Variants in FBXO11 observed in about 807,000 individuals in gnomAD.
FBXO11 encodes the protein F-box protein 11.
FBXO11 carries 13 observed loss-of-function variants against 117.0 expected under a neutral mutation model. The ratio of observed to expected loss-of-function variants is 0.11; its 90% CI spans 0.07 to 0.18. The LOEUF is 0.18. FBXO11 is among the 10% of genes least tolerant of loss of function. FBXO11 has a pLI of 1.00. For synonymous variants in FBXO11, 490 were observed against 380.5 expected (o/e 1.29, Z -3.35); for missense variants, 767 against 1,164.4 (o/e 0.66, Z 4.97).
chr2:47,814,106 G>T, intron 16 of FBXO11: 1 of 395,932 alleles, frequency 2.5e-6, no homozygotes, highest in Non-Finnish European at 4.6e-6. Context: ...AACTAAATGG[G>T]GTTATATTAA....
At chr2:47,878,357 C>T (rs1020081746) in intron 1 of FBXO11, among the ~76,000 whole-genome samples, 51 of 148,854 alleles carry the variant, frequency 3.4e-4, no homozygotes, top group African/African-American at 1.1e-3. Context: ...GCCTTTTGTT[C>T]TTTTTTTTTT....
rs939968083 is a variant in FBXO11 at position 47,860,913 on chromosome 2, C to G, written c.233-21144G>C. 5.6e-5 allele frequency among the ~76,000 whole-genome samples: 8 copies of G among 143,764 alleles called. No homozygotes were observed. The East Asian group carries it at 1.5e-3, about 26-fold the overall frequency. 94.3% of individuals were successfully genotyped at this position (143,764 alleles called of 152,430 possible). A position where few individuals can be genotyped will look rare whatever the true frequency, so the allele number is the denominator to read the frequency against. ...CCAGGCTGGAGTGCAATGGCGCAAT[C>G]TCGGCTCACTGCAACCTCCACCTCC... On this transcript the variant is annotated intron_variant, in intron 1 of 22. Coordinates refer to ENST00000403359, the MANE Select transcript of FBXO11 (RefSeq NM_001190274.2).
intron 1 of FBXO11, among the ~76,000 whole-genome samples, chr2:47,899,603 C>A (rs1426890672): frequency 6.6e-6 from 1 of 152,162 alleles, no homozygotes; most frequent in Non-Finnish European, 1.5e-5. Flanking sequence ...GAACCCATAT[C>A]TAGCTAGCTT....
intron 1 of FBXO11, among the ~76,000 whole-genome samples, chr2:47,882,524 G>A (rs766966413): frequency 3.3e-5 from 5 of 152,118 alleles, no homozygotes; most frequent in Non-Finnish European, 5.9e-5. Context: ...AAGTTTGTTG[G>A]ATCTACTGTA....
At chr2:47,816,829 G>A (rs1671037328) in intron 16 of FBXO11, among the ~76,000 whole-genome samples, 1 of 152,110 alleles carries the variant, frequency 6.6e-6, no homozygotes, top group African/African-American at 2.4e-5. Flanking sequence ...GTAAATTCAT[G>A]TGCTATCATC....
intron 16 of FBXO11, among the ~76,000 whole-genome samples, chr2:47,818,043 A>C (rs547418282): frequency 6.6e-6 from 1 of 152,358 alleles, no homozygotes; most frequent in South Asian, 2.1e-4. Context: ...GCTACTTGGG[A>C]GGCTGAGGTT....
At chr2:47,860,579 T>C (rs1427054168) in intron 1 of FBXO11, among the ~76,000 whole-genome samples, 1 of 151,644 alleles carries the variant, frequency 6.6e-6, no homozygotes, top group Non-Finnish European at 1.5e-5. Context: ...CCCAGCTAAT[T>C]GTATTTTAGT....
At chr2:47,865,648 C>G (rs1236550402) in intron 1 of FBXO11, 1 of 152,118 alleles carries the variant, frequency 6.6e-6, no homozygotes, top group Non-Finnish European at 1.5e-5. Context: ...TCTGGCAGAT[C>G]TAATTTTAAT....
chr2:47,819,361 G>A (rs975994884), intron 14 of FBXO11, among the ~76,000 whole-genome samples: 11 of 152,096 alleles, frequency 7.2e-5, no homozygotes, highest in Non-Finnish European at 1.5e-4. Flanking sequence ...GATTACAGGC[G>A]TCTGCCACCA....
chr2:47,901,484 T>G (rs1315275002), intron 1 of FBXO11, among the ~76,000 whole-genome samples: 1 of 152,120 alleles, frequency 6.6e-6, no homozygotes, highest in Non-Finnish European at 1.5e-5. Flanking sequence ...GAGAAACTAA[T>G]AACAGTTATT....
rs933525336 is a variant in FBXO11, at chr2:47,902,570, TAC to T, written c.232+2917_232+2918del. Among the ~76,000 whole-genome samples, 11 of 152,068 alleles carry T rather than the reference TAC, an allele frequency of 7.2e-5. 1 individual carries two copies. The highest frequency in any genetic ancestry group is 1.3e-4 in the Non-Finnish European group (9 of 67,958). On this transcript the variant is annotated intron_variant, in intron 1 of 22. Coordinates refer to ENST00000403359, the MANE Select transcript of FBXO11 (RefSeq NM_001190274.2). ...ATGTATATACACAAATATACCCACA[TAC>T]ACACACACATACACATACACACGTG...
chr2:47,816,079 C>T (rs75428304), intron 16 of FBXO11, among the ~76,000 whole-genome samples: 10,884 of 152,298 alleles, frequency 0.071, 554 homozygotes, highest in Non-Finnish European at 0.11. Context: ...GGTGAGAACC[C>T]TGGCGACCCC....
chr2:47,835,537 C>T (rs1209413134), intron 5 of FBXO11, among the ~76,000 whole-genome samples: 1 of 152,004 alleles, frequency 6.6e-6, no homozygotes, highest in Non-Finnish European at 1.5e-5. Flanking sequence ...CTCACTCTGT[C>T]GCCCAGGCTG....
At chr2:47,897,531 T>C (rs1207038838) in intron 1 of FBXO11, among the ~76,000 whole-genome samples, 3 of 151,994 alleles carry the variant, frequency 2.0e-5, no homozygotes, top group African/African-American at 7.2e-5. Context: ...ACCCCGTCTC[T>C]ACTGAAAATA....
Position 47,807,184 on chromosome 2 carries a change from G to C in FBXO11, c.*934C>G. On this transcript the variant is annotated 3_prime_UTR_variant, in exon 23 of 23. Coordinates refer to ENST00000403359, the MANE Select transcript of FBXO11 (RefSeq NM_001190274.2). ...TTGTCTCAGCTTAATGCAGGAAATT[G>C]GTTTAATTTCCAGCAGTTTTGTCTA... 3.7e-6 allele frequency: 1 copy of C among 271,488 alleles called. No homozygotes were observed. The highest frequency in any genetic ancestry group is 7.0e-6 in the Non-Finnish European group (1 of 142,444). 16.8% of individuals were successfully genotyped at this position (271,488 alleles called of 1,614,324 possible). A position where few individuals can be genotyped will look rare whatever the true frequency, so the allele number is the denominator to read the frequency against.
intron 5 of FBXO11, among the ~76,000 whole-genome samples, chr2:47,835,143 A>G (rs1317035549): frequency 1.3e-5 from 2 of 152,154 alleles, no homozygotes; most frequent in African/African-American, 4.8e-5. Flanking sequence ...GCACTGTAGG[A>G]TGTTTAGAGG....
chr2:47,812,523 T>C (rs1433110206), intron 18 of FBXO11, among the ~76,000 whole-genome samples: 1 of 151,710 alleles, frequency 6.6e-6, no homozygotes, highest in African/African-American at 2.4e-5. Flanking sequence ...ACTGAATTAC[T>C]AGATTATAAG....
At chr2:47,858,153 T>C (rs929321862) in intron 1 of FBXO11, among the ~76,000 whole-genome samples, 1 of 151,940 alleles carries the variant, frequency 6.6e-6, no homozygotes, top group Non-Finnish European at 1.5e-5. Flanking sequence ...TTGCTCAGGC[T>C]GGAGTGCAGT....
At chr2:47,837,452 G>C (rs1022240623) in intron 4 of FBXO11, among the ~76,000 whole-genome samples, 3 of 152,094 alleles carry the variant, frequency 2.0e-5, no homozygotes, top group Admixed American at 6.5e-5. Flanking sequence ...GCTTGAACCC[G>C]GGAGGCAGAG....
Sources: allele counts gnomAD v4.1 joint callset (sites outside exome capture counted in the v4.1 genomes callset), GRCh38; gene constraint gnomAD v4.1.1; transcripts MANE v1.5; gene names NCBI Gene and HGNC (gene_info 2026-07-23, HGNC 2026-07-21).